POFUT3: variants seen among roughly 807,000 people sequenced by gnomAD.
POFUT3 encodes the protein protein O-fucosyltransferase 3.
At chr8:33,312,073 C>A in the POFUT3 span, among the ~76,000 whole-genome samples, 1 of 151,980 alleles carries the variant, frequency 6.6e-6, no homozygotes, top group Non-Finnish European at 1.5e-5. Flanking sequence ...ACCAGCCTGG[C>A]CAATGTGGTG....
At chr8:33,325,558 AAACTTC>A in the POFUT3 span, among the ~76,000 whole-genome samples, 1 of 152,156 alleles carries the variant, frequency 6.6e-6, no homozygotes, top group African/African-American at 2.4e-5. Context: ...TACCTCAGTA[AAACTTC>A]AACTGGGCTG....
chr8:33,436,226 C>T, the POFUT3 span: 31,215 of 1,326,438 alleles, frequency 0.024, 547 homozygotes, highest in East Asian at 0.064. Flanking sequence ...CTGGGTACCA[C>T]GAAGGGTGTA....
chr8:33,454,753 G>A, the POFUT3 span, among the ~76,000 whole-genome samples: 16 of 148,390 alleles, frequency 1.1e-4, no homozygotes, highest in East Asian at 4.0e-4. Flanking sequence ...TGCAAACTCC[G>A]CCTCCCAGGT....
At chr8:33,375,701 T>C in the POFUT3 span, among the ~76,000 whole-genome samples, 1 of 152,274 alleles carries the variant, frequency 6.6e-6, no homozygotes, top group African/African-American at 2.4e-5. Flanking sequence ...AAGAATACTA[T>C]GTAAATGTGT....
chr8:33,394,693 C>T, the POFUT3 span, among the ~76,000 whole-genome samples: 4 of 151,976 alleles, frequency 2.6e-5, no homozygotes, highest in African/African-American at 7.2e-5. Flanking sequence ...AAAACATCTC[C>T]ACCTTAATGG....
chr8:33,336,145 T>C, the POFUT3 span, among the ~76,000 whole-genome samples: 27 of 152,240 alleles, frequency 1.8e-4, no homozygotes, highest in African/African-American at 6.3e-4. Context: ...TATTAACGTT[T>C]CTCTATCATT....
the POFUT3 span, among the ~76,000 whole-genome samples, chr8:33,327,473 A>G: frequency 6.6e-6 from 1 of 152,072 alleles, no homozygotes; most frequent in African/African-American, 2.4e-5. Flanking sequence ...GTATTCAATG[A>G]CTGTCTGATA....
the POFUT3 span, among the ~76,000 whole-genome samples, chr8:33,444,082 A>G: frequency 6.6e-6 from 1 of 151,904 alleles, no homozygotes; most frequent in Non-Finnish European, 1.5e-5. Flanking sequence ...TGTTCCTACA[A>G]CTGATAAACC....
the POFUT3 span, among the ~76,000 whole-genome samples, chr8:33,316,603 A>G: frequency 6.6e-6 from 1 of 151,570 alleles, no homozygotes; most frequent in African/African-American, 2.4e-5. Context: ...AAAGCTGGGC[A>G]TTGTTGCAGG....
the POFUT3 span, among the ~76,000 whole-genome samples, chr8:33,432,277 G>A: frequency 3.3e-5 from 5 of 151,610 alleles, no homozygotes; most frequent in South Asian, 4.2e-4. Flanking sequence ...AGGCATGATG[G>A]GCACCTGTAA....
chr8:33,352,521 C>CT, the POFUT3 span, among the ~76,000 whole-genome samples: 6 of 151,268 alleles, frequency 4.0e-5, no homozygotes, highest in East Asian at 1.9e-4. Context: ...ATTTTTGATT[C>CT]TTTTTTTTTA....
the POFUT3 span, among the ~76,000 whole-genome samples, chr8:33,339,794 A>G: frequency 6.6e-6 from 1 of 152,206 alleles, no homozygotes; most frequent in Non-Finnish European, 1.5e-5. Context: ...AAAGGGAAGA[A>G]CTATCAACCC....
the POFUT3 span, among the ~76,000 whole-genome samples, chr8:33,380,015 GTATA>G: frequency 1.9e-4 from 10 of 53,474 alleles, 4 homozygotes; most frequent in East Asian, 2.8e-3. Flanking sequence ...TATATATATA[GTATA>G]TATATATACT....
the POFUT3 span, chr8:33,389,272 T>C: frequency 6.2e-7 from 1 of 1,614,140 alleles, no homozygotes; most frequent in Non-Finnish European, 8.5e-7. Flanking sequence ...ATACAGGGAC[T>C]ACCCCCAGTT....
chr8:33,419,227 T>G, the POFUT3 span, among the ~76,000 whole-genome samples: 1 of 152,208 alleles, frequency 6.6e-6, no homozygotes, highest in Non-Finnish European at 1.5e-5. Context: ...CTAGAAGACT[T>G]GAAATGTACC....
the POFUT3 span, among the ~76,000 whole-genome samples, chr8:33,435,038 G>C: frequency 2.0e-5 from 3 of 152,252 alleles, no homozygotes; most frequent in South Asian, 4.1e-4. Context: ...ACAACAGGAA[G>C]GAGACAGGGA....
At chr8:33,364,885 T>G in the POFUT3 span, among the ~76,000 whole-genome samples, 4 of 152,318 alleles carry the variant, frequency 2.6e-5, no homozygotes, top group Admixed American at 2.6e-4. Flanking sequence ...CCAATGACTT[T>G]CTTCACAGAA....
the POFUT3 span, among the ~76,000 whole-genome samples, chr8:33,403,612 G>A: frequency 1.3e-5 from 2 of 152,092 alleles, no homozygotes; most frequent in African/African-American, 4.8e-5. Context: ...CAGCTACTAG[G>A]GAGAGAGTGT....
At chr8:33,313,962 T>C in the POFUT3 span, among the ~76,000 whole-genome samples, 1 of 152,162 alleles carries the variant, frequency 6.6e-6, no homozygotes, top group Non-Finnish European at 1.5e-5. Context: ...TTTAATGAGT[T>C]AGGGCAGTAG....
Sources: allele counts gnomAD v4.1 joint callset (sites outside exome capture counted in the v4.1 genomes callset), GRCh38; gene constraint gnomAD v4.1.1; transcripts MANE v1.5; gene names NCBI Gene and HGNC (gene_info 2026-07-23, HGNC 2026-07-21).